The following DNAJC15 variants were observed in gnomAD, a reference collection of about 807,000 sequenced individuals.
DNAJC15 encodes the protein dnaJ homolog subfamily C member 15.
In DNAJC15, 27 loss-of-function variants were observed where a neutral mutation model predicts 22.4. The ratio of observed to expected loss-of-function variants is 1.20; its 90% confidence interval spans 0.89 to 1.66. The LOEUF (loss-of-function observed/expected upper bound fraction) is 1.66, where lower values mean the gene tolerates loss of function less well. DNAJC15 is among the 40% of genes most tolerant of loss of function. The pLI is 0.00. For synonymous variants in DNAJC15, 79 were observed against 63.2 expected, an observed-to-expected ratio of 1.25 and a Z score of -1.19; for missense variants, 208 against 187.1, an observed-to-expected ratio of 1.11 and a Z score of -0.65.
intron 1 of DNAJC15, among the ~76,000 whole-genome samples, chr13:43,064,591 G>A (rs144842250): frequency 1.0e-3 from 154 of 152,180 alleles, no homozygotes; most frequent in African/African-American, 3.5e-3. Flanking sequence ...ATTTGTTTTG[G>A]CTCCAAGTGC....
At chr13:43,070,040 C>A (rs1387054815) in intron 3 of DNAJC15, among the ~76,000 whole-genome samples, 2 of 152,056 alleles carry the variant, frequency 1.3e-5, no homozygotes, top group Non-Finnish European at 2.9e-5. Context: ...AGTTCTAGTT[C>A]ATGATCATAA....
intron 5 of DNAJC15, among the ~76,000 whole-genome samples, chr13:43,090,516 G>A (rs573892020): frequency 2.4e-4 from 36 of 151,824 alleles, no homozygotes; most frequent in Non-Finnish European, 4.6e-4. Flanking sequence ...ATAGACTTAG[G>A]CAAAGATTTC....
intron 5 of DNAJC15, among the ~76,000 whole-genome samples, chr13:43,087,983 G>T (rs566929786): frequency 2.6e-5 from 4 of 152,204 alleles, no homozygotes; most frequent in African/African-American, 9.6e-5. Context: ...ATATCTTTTA[G>T]ATTACTGCTT....
At chr13:43,062,016 G>A (rs1220347800) in intron 1 of DNAJC15, among the ~76,000 whole-genome samples, 1 of 152,162 alleles carries the variant, frequency 6.6e-6, no homozygotes, top group Non-Finnish European at 1.5e-5. Flanking sequence ...CTGGTATGTA[G>A]TGATGATTTT....
chr13:43,102,004 T>C (rs2040771516), intron 5 of DNAJC15, among the ~76,000 whole-genome samples: 1 of 152,218 alleles, frequency 6.6e-6, no homozygotes, highest in Non-Finnish European at 1.5e-5. Flanking sequence ...GGAATCTACA[T>C]ACTATTTTCC....
chr13:43,060,379 C>T (rs574872772), intron 1 of DNAJC15, among the ~76,000 whole-genome samples: 164 of 151,990 alleles, frequency 1.1e-3, no homozygotes, highest in South Asian at 4.6e-3. Flanking sequence ...AGAAAGTAAA[C>T]GAAAGACACA....
At chr13:43,097,796 G>A (rs377574847) in intron 5 of DNAJC15, among the ~76,000 whole-genome samples, 2 of 152,078 alleles carry the variant, frequency 1.3e-5, no homozygotes, top group Non-Finnish European at 2.9e-5. Context: ...AATTAGCCGG[G>A]CGTGGTGGCA....
At chr13:43,075,314 A>G (rs1593323168) in intron 3 of DNAJC15, among the ~76,000 whole-genome samples, 1 of 152,306 alleles carries the variant, frequency 6.6e-6, no homozygotes, top group East Asian at 1.9e-4. Flanking sequence ...GAAAGTGAAA[A>G]AATTGCTCAG....
Position 43,068,950 on chromosome 13 carries a change from T to A in DNAJC15, c.181T>A (p.Trp61Arg). The change falls in exon 3 of 6, where the codon TGG becomes AGG. Residue 61 changes from tryptophan (W) to arginine (R), a missense_variant. Coordinates refer to ENST00000379221, the MANE Select transcript of DNAJC15 (RefSeq NM_013238.3). ...TTTAGGTCGCTACGCATTTCGGATCTGGAAACCTCTAGAACAAGTTATCAC... is the reference window on the plus strand; with the variant it reads ...TTTAGGTCGCTACGCATTTCGGATCAGGAAACCTCTAGAACAAGTTATCAC... Reference protein sequence around the residue: ...AFAGRYAFRIWKPLEQVITET... With the variant: ...AFAGRYAFRIRKPLEQVITET... The A allele has an allele frequency of 3.1e-6, 5 of 1,612,946 alleles. No individual in the cohort carries two copies. The highest frequency in any genetic ancestry group is 4.2e-6 in the Non-Finnish European group (5 of 1,179,458).
chr13:43,059,677 C>T (rs1215051802), intron 1 of DNAJC15, among the ~76,000 whole-genome samples: 1 of 152,240 alleles, frequency 6.6e-6, no homozygotes, highest in Non-Finnish European at 1.5e-5. Flanking sequence ...GTTTGTGTCT[C>T]ACGTGTCCGT....
chr13:43,031,951 T>A (rs1336732753), intron 1 of DNAJC15, among the ~76,000 whole-genome samples: 1 of 152,120 alleles, frequency 6.6e-6, no homozygotes, highest in Non-Finnish European at 1.5e-5. Flanking sequence ...TGTTGAGAAA[T>A]GAAACTAGGA....
At chr13:43,028,434 G>A (rs1191256199) in intron 1 of DNAJC15, among the ~76,000 whole-genome samples, 1 of 152,054 alleles carries the variant, frequency 6.6e-6, no homozygotes, top group East Asian at 1.9e-4. Flanking sequence ...CCTCTGGCCT[G>A]TAGTGATCGC....
rs1318845567 is a variant in DNAJC15, at chr13:43,108,828, T to C, written c.*1580T>C. ...AAAACTTTAATTACTATTTTTTCTT[T>C]TGGTTTATAAAATAATGATCCTGAA... On this transcript the variant is annotated 3_prime_UTR_variant, in exon 6 of 6. Transcript: ENST00000379221. 6 of 152,210 alleles carry C rather than the reference T, an allele frequency of 3.9e-5. No individual in the cohort carries two copies. The highest frequency in any genetic ancestry group is 7.2e-5 in the African/African-American group (3 of 41,452). 9.4% of individuals were successfully genotyped at this position (152,210 alleles called of 1,614,324 possible).
At chr13:43,024,239 G>A (rs1302534248) in intron 1 of DNAJC15, among the ~76,000 whole-genome samples, 2 of 151,924 alleles carry the variant, frequency 1.3e-5, no homozygotes, top group East Asian at 3.9e-4. Flanking sequence ...GAAACTCCAA[G>A]TGGTGTATTC....
In DNAJC15 at chr13:43,111,293, ATG is replaced by A. The variant is rs2040823535; in HGVS notation, c.*4048_*4049del. 1 of 152,244 alleles carries A rather than the reference ATG, an allele frequency of 6.6e-6. No individual in the cohort carries two copies. The highest frequency in any genetic ancestry group is 1.5e-5 in the Non-Finnish European group (1 of 68,052). The allele number at this position is 152,244 out of a possible 1,614,324, so 9.4% of individuals were successfully genotyped here. ...GTAAAGATATAAATTCATTCTTAAA[ATG>A]TGCAACATGTTCAAACTGAAAAAAA... is the stretch of plus-strand genomic sequence containing the variant. On this transcript the variant is annotated 3_prime_UTR_variant, in exon 6 of 6. Transcript: ENST00000379221.
At chr13:43,104,252 T>G (rs2040784929) in intron 5 of DNAJC15, among the ~76,000 whole-genome samples, 1 of 152,164 alleles carries the variant, frequency 6.6e-6, no homozygotes, top group Non-Finnish European at 1.5e-5. Context: ...TGCCACAGAC[T>G]ATAGATTAAA....
At chr13:43,106,109 G>A (rs761308816) in intron 5 of DNAJC15, among the ~76,000 whole-genome samples, 1 of 152,052 alleles carries the variant, frequency 6.6e-6, no homozygotes, top group Non-Finnish European at 1.5e-5. Context: ...GGGTGGTATG[G>A]TATCAATAAA....
intron 4 of DNAJC15, among the ~76,000 whole-genome samples, chr13:43,082,609 G>GT (rs1400839408): frequency 8.5e-5 from 13 of 152,060 alleles, no homozygotes; most frequent in Admixed American, 3.3e-4. Flanking sequence ...CCTTCCTTGT[G>GT]TTTACTTTAG....
chr13:43,050,923 C>T (rs1219583621), intron 1 of DNAJC15, among the ~76,000 whole-genome samples: 1 of 152,066 alleles, frequency 6.6e-6, no homozygotes, highest in Middle Eastern at 3.4e-3. Context: ...TCCTTTTTTA[C>T]TCTAGTGATC....
Sources: allele counts gnomAD v4.1 joint callset (sites outside exome capture counted in the v4.1 genomes callset), GRCh38; gene constraint gnomAD v4.1.1; transcripts MANE v1.5; gene names NCBI Gene and HGNC (gene_info 2026-07-23, HGNC 2026-07-21).